Variants in SPPL3 observed in about 807,000 individuals in gnomAD.
The protein encoded by SPPL3 is signal peptide peptidase-like 3.
A neutral mutation model predicts 42.4 loss-of-function variants in SPPL3; 5 were observed. The ratio of observed to expected loss-of-function variants is 0.12; its 90% CI spans 0.06 to 0.25. The LOEUF is 0.25. SPPL3 is among the 10% of genes least tolerant of loss of function. The pLI, the probability that SPPL3 is intolerant of heterozygous loss-of-function variation, is 1.00. For synonymous variants in SPPL3, 195 were observed against 181.8 expected, an observed-to-expected ratio of 1.07 and a Z score of -0.58; for missense variants, 235 against 489.0, an observed-to-expected ratio of 0.48 and a Z score of 4.90.
intron 1 of SPPL3, among the ~76,000 whole-genome samples, chr12:120,900,923 C>CA (rs11432981): frequency 0.56 from 57,136 of 101,874 alleles, 14,512 homozygotes; most frequent in East Asian, 0.6. Context: ...CCCTGTCTCA[C>CA]AAAAAAAAAA....
intron 1 of SPPL3, among the ~76,000 whole-genome samples, chr12:120,871,144 A>AGAAAAAAAG (rs1872911645): frequency 7.0e-6 from 1 of 142,124 alleles, no homozygotes; most frequent in African/African-American, 2.9e-5. Flanking sequence ...AAAAAAAAAA[A>AGAAAAAAAG]AAAAAGAAAA....
At chr12:120,837,135 CTTG>C (rs1169163350) in intron 1 of SPPL3, among the ~76,000 whole-genome samples, 1 of 152,148 alleles carries the variant, frequency 6.6e-6, no homozygotes, top group Non-Finnish European at 1.5e-5. Context: ...TTTAATGTAA[CTTG>C]TTAGCTAAGA....
intron 2 of SPPL3, among the ~76,000 whole-genome samples, chr12:120,805,004 T>C (rs1473694465): frequency 1.3e-5 from 2 of 152,152 alleles, no homozygotes; most frequent in Non-Finnish European, 2.9e-5. Flanking sequence ...ACACCACTTA[T>C]ACGAGAGGTC....
intron 1 of SPPL3, among the ~76,000 whole-genome samples, chr12:120,899,312 CTT>C (rs1439016089): frequency 6.6e-6 from 1 of 152,150 alleles, no homozygotes; most frequent in Admixed American, 6.5e-5. Context: ...AAAAAGCCCT[CTT>C]TGATAAGTAC....
At chr12:120,834,683 T>C (rs989160736) in intron 1 of SPPL3, among the ~76,000 whole-genome samples, 1 of 151,560 alleles carries the variant, frequency 6.6e-6, no homozygotes, top group African/African-American at 2.4e-5. Context: ...ACCATTAGTA[T>C]GAAAACCAGT....
At chr12:120,889,626 CAG>C (rs1025958482) in intron 1 of SPPL3, among the ~76,000 whole-genome samples, 2 of 152,204 alleles carry the variant, frequency 1.3e-5, no homozygotes, top group Non-Finnish European at 2.9e-5. Flanking sequence ...TCGGAAGAAG[CAG>C]AGTTGCACCA....
intron 1 of SPPL3, among the ~76,000 whole-genome samples, chr12:120,855,406 G>C (rs1392991538): frequency 6.6e-6 from 1 of 152,132 alleles, no homozygotes; most frequent in Non-Finnish European, 1.5e-5. Context: ...AAGAAAAACA[G>C]GCCAGGCGCT....
chr12:120,890,576 C>T (rs138814071), intron 1 of SPPL3, among the ~76,000 whole-genome samples: 1,397 of 129,680 alleles, frequency 0.011, 37 homozygotes, highest in African/African-American at 0.04. Flanking sequence ...GCGACAGAGC[C>T]AGACTCCGTC....
At chr12:120,841,642 C>CTGGAA (rs1233751730) in intron 1 of SPPL3, among the ~76,000 whole-genome samples, 1 of 152,156 alleles carries the variant, frequency 6.6e-6, no homozygotes, top group East Asian at 1.9e-4. Context: ...GTCAGAAGTT[C>CTGGAA]TGGAATATGA....
At chr12:120,833,983 A>G (rs950491003) in intron 1 of SPPL3, among the ~76,000 whole-genome samples, 1 of 152,188 alleles carries the variant, frequency 6.6e-6, no homozygotes, top group Non-Finnish European at 1.5e-5. Context: ...AAGCATGCAT[A>G]CAGGGTGACA....
intron 1 of SPPL3, among the ~76,000 whole-genome samples, chr12:120,832,494 A>G (rs1871457447): frequency 1.3e-5 from 2 of 152,098 alleles, no homozygotes; most frequent in Admixed American, 6.6e-5. Context: ...CAACATGAAG[A>G]AACCCCATCT....
chr12:120,774,855 C>T (rs1869255736), intron 6 of SPPL3, among the ~76,000 whole-genome samples: 2 of 151,976 alleles, frequency 1.3e-5, no homozygotes, highest in South Asian at 2.1e-4. Context: ...ATAGGTTTAC[C>T]AACACACTTA....
At chr12:120,877,298 A>C (rs1200853909) in intron 1 of SPPL3, among the ~76,000 whole-genome samples, 1 of 152,216 alleles carries the variant, frequency 6.6e-6, no homozygotes, top group Non-Finnish European at 1.5e-5. Context: ...CCATTTGAAG[A>C]AAGAATTATC....
At chr12:120,824,312 A>T (rs559081888) in intron 1 of SPPL3, among the ~76,000 whole-genome samples, 7 of 151,776 alleles carry the variant, frequency 4.6e-5, no homozygotes, top group South Asian at 4.2e-4. Flanking sequence ...TAACACTAAA[A>T]TTTTTTTTTA....
At chr12:120,797,783 G>C (rs1242577860) in intron 2 of SPPL3, among the ~76,000 whole-genome samples, 3 of 152,120 alleles carry the variant, frequency 2.0e-5, no homozygotes, top group Non-Finnish European at 4.4e-5. Context: ...TTAACCAAAT[G>C]ACTGGGCTCA....
chr12:120,861,712 T>C (rs1377817975), intron 1 of SPPL3, among the ~76,000 whole-genome samples: 1 of 152,218 alleles, frequency 6.6e-6, no homozygotes, highest in Non-Finnish European at 1.5e-5. Context: ...TTAAAAATCA[T>C]ATGCCTGAAA....
intron 1 of SPPL3, among the ~76,000 whole-genome samples, chr12:120,856,284 G>GAAAA (rs111617514): frequency 1.4e-5 from 2 of 139,042 alleles, no homozygotes; most frequent in Non-Finnish European, 3.1e-5. Context: ...TAATCTGAAA[G>GAAAA]AAAAAAAAAA....
intron 2 of SPPL3, among the ~76,000 whole-genome samples, chr12:120,801,909 T>C (rs1592969504): frequency 1.3e-5 from 2 of 152,160 alleles, no homozygotes; most frequent in East Asian, 3.8e-4. Flanking sequence ...TCCAGTTTGG[T>C]GTTTTGGTCA....
intron 1 of SPPL3, among the ~76,000 whole-genome samples, chr12:120,853,943 C>T (rs1398065532): frequency 1.3e-5 from 2 of 150,328 alleles, no homozygotes; most frequent in African/African-American, 4.9e-5. Context: ...CCCAAAACCA[C>T]ATGAAAACAA....
Sources: gnomAD v4.1 joint callset for allele counts (sites outside exome capture counted in the v4.1 genomes callset) on GRCh38, gnomAD v4.1.1 for gene constraint, MANE v1.5 for transcripts, NCBI Gene and HGNC (gene_info 2026-07-23, HGNC 2026-07-21) for gene names.